The following TULP4 variants were observed in gnomAD, a reference collection of about 807,000 sequenced individuals.
TULP4 encodes TUB like protein 4.
TULP4 carries 16 observed loss-of-function variants against 129.0 expected under a neutral mutation model. That is an observed-to-expected ratio of 0.12 (90% confidence interval 0.08 to 0.19). TULP4 has a LOEUF of 0.19. Ranked by LOEUF, TULP4 falls within the 10% of genes least tolerant of loss-of-function variation. The pLI, the probability that TULP4 is intolerant of heterozygous loss-of-function variation, is 1.00. For missense variants in TULP4, 1,842 were observed against 2,059.1 expected (o/e 0.89, Z 2.04); for synonymous variants, 998 against 854.0 (o/e 1.17, Z -2.94).
intron 8 of TULP4, among the ~76,000 whole-genome samples, chr6:158,488,505 T>G (rs961177232): frequency 1.3e-5 from 2 of 152,164 alleles, no homozygotes; most frequent in Non-Finnish European, 2.9e-5. Flanking sequence ...TCCAAGGAGC[T>G]TGCCAAGCTT....
chr6:158,385,315 G>A (rs975381379), intron 1 of TULP4, among the ~76,000 whole-genome samples: 2 of 152,212 alleles, frequency 1.3e-5, no homozygotes, highest in African/African-American at 4.8e-5. Context: ...CTACTATTAT[G>A]TATAATTTCT....
Position 158,501,971 on chromosome 6 carries a change from C to T in TULP4, c.2308C>T (p.Pro770Ser), listed in dbSNP as rs779835091. The T allele has an allele frequency of 2.5e-6, 4 of 1,613,630 alleles. No individual in the cohort carries two copies. In the East Asian group the frequency reaches 6.7e-5, roughly 27 times the overall value. Residue 770 changes from proline (P) to serine (S), a missense_variant, in exon 13 of 14, where the codon CCC becomes TCC. This residue lies in a region of TULP4 where 1,089 missense variants were observed against 987.1 expected (regional missense o/e 1.10). Transcript: ENST00000367097. ...GGAAATGGGCCGCATCATTCAGAAC[C>T]CCCCTCCACTGTCCCTGCCTCCCCC... is the stretch of plus-strand genomic sequence containing the variant. Reference protein sequence around the residue: ...SVEMGRIIQNPPPLSLPPPPQ... With the variant: ...SVEMGRIIQNSPPLSLPPPPQ...
intron 1 of TULP4, among the ~76,000 whole-genome samples, chr6:158,335,062 G>T (rs1489446180): frequency 6.6e-6 from 1 of 152,136 alleles, no homozygotes; most frequent in East Asian, 1.9e-4. Context: ...CGGATCACAA[G>T]GTCAGGAGTT....
At chr6:158,399,684 ATCTT>A (rs5881262) in intron 1 of TULP4, among the ~76,000 whole-genome samples, 65,048 of 151,634 alleles carry the variant, frequency 0.43, 14,255 homozygotes, top group South Asian at 0.56. Context: ...CGCTTATTGA[ATCTT>A]TCTGTGTGCC....
chr6:158,494,973 C>T (rs1780299263), intron 11 of TULP4, 127 bp downstream of exon 11: 1 of 693,868 alleles, frequency 1.4e-6, no homozygotes, highest in Admixed American at 3.3e-5. Context: ...TGTATTTTAC[C>T]TCTAAACCTT....
chr6:158,402,363 T>A (rs571725711), intron 1 of TULP4, among the ~76,000 whole-genome samples: 1 of 152,320 alleles, frequency 6.6e-6, no homozygotes, highest in South Asian at 2.1e-4. Flanking sequence ...TCAGCTGTTA[T>A]CTGAATTAGA....
chr6:158,498,926 G>A, intron 12 of TULP4, 114 bp downstream of exon 12: 2 of 1,302,864 alleles, frequency 1.5e-6, no homozygotes, highest in African/African-American at 1.5e-5. Flanking sequence ...GTTTGGAAAA[G>A]GTATCCCTGC....
chr6:158,298,709 T>C (rs546962408), intron 1 of TULP4, among the ~76,000 whole-genome samples: 6 of 152,338 alleles, frequency 3.9e-5, no homozygotes, highest in African/African-American at 9.6e-5. Flanking sequence ...ACTAACAGCA[T>C]GTAAGGAGGC....
intron 11 of TULP4, among the ~76,000 whole-genome samples, chr6:158,496,318 C>A (rs572921397): frequency 6.6e-6 from 1 of 152,352 alleles, no homozygotes; most frequent in East Asian, 1.9e-4. Context: ...TTGTATGAAG[C>A]AGTTCATACA....
chr6:158,365,216 T>C (rs1178440895), intron 1 of TULP4, among the ~76,000 whole-genome samples: 16 of 152,088 alleles, frequency 1.1e-4, no homozygotes, highest in Admixed American at 1.0e-3. Context: ...ACCTGTTATG[T>C]TACTTCACTT....
rs1780627062 is a variant in TULP4, at chr6:158,507,289, C to A, written c.*595C>A. ...TAGGCTCTTTACAGGGGTGTTCTCACCAGGTAGAAATGCGATTTGCTCACT... is the reference window on the plus strand; with the variant it reads ...TAGGCTCTTTACAGGGGTGTTCTCAACAGGTAGAAATGCGATTTGCTCACT... On this transcript the variant is annotated 3_prime_UTR_variant, in exon 14 of 14. Coordinates refer to ENST00000367097, the MANE Select transcript of TULP4 (RefSeq NM_020245.5). The A allele has an allele frequency of 1.3e-5, 2 of 154,086 alleles. No individual in the cohort carries two copies. The allele number at this position is 154,086 out of a possible 1,614,324, so 9.5% of individuals were successfully genotyped here.
At chr6:158,498,250 C>T (rs1469637294) in intron 11 of TULP4, among the ~76,000 whole-genome samples, 2 of 152,250 alleles carry the variant, frequency 1.3e-5, no homozygotes, top group African/African-American at 4.8e-5. Flanking sequence ...CTTGGTTGCC[C>T]AAGCTTCCCT....
At chr6:158,292,557 C>T (rs1179595272) in intron 1 of TULP4, among the ~76,000 whole-genome samples, 2 of 152,074 alleles carry the variant, frequency 1.3e-5, no homozygotes, top group Admixed American at 1.3e-4. Context: ...GGAAGTGTAA[C>T]ATGTAATTTT....
At chr6:158,346,893 C>G (rs904377754) in intron 1 of TULP4, among the ~76,000 whole-genome samples, 1 of 148,170 alleles carries the variant, frequency 6.7e-6, no homozygotes, top group Admixed American at 6.6e-5. Context: ...GTGTGTGCAT[C>G]TTTTTTGCCC....
intron 1 of TULP4, among the ~76,000 whole-genome samples, chr6:158,343,486 G>A (rs1780233395): frequency 6.6e-6 from 1 of 152,110 alleles, no homozygotes; most frequent in Non-Finnish European, 1.5e-5. Flanking sequence ...TGAGGCTTTG[G>A]GAAGTGATTT....
At chr6:158,332,169 C>CAAAAAAAAA (rs1169601263) in intron 1 of TULP4, among the ~76,000 whole-genome samples, 3 of 65,318 alleles carry the variant, frequency 4.6e-5, no homozygotes, top group African/African-American at 1.7e-4. Context: ...AAGACTCTGT[C>CAAAAAAAAA]AAAAAAAAAA....
intron 1 of TULP4, among the ~76,000 whole-genome samples, chr6:158,396,816 C>T (rs992071968): frequency 6.6e-6 from 1 of 152,112 alleles, no homozygotes; most frequent in African/African-American, 2.4e-5. Flanking sequence ...TTTAACTTCC[C>T]TAAAGAAATG....
At chr6:158,294,190 C>G (rs929253146) in intron 1 of TULP4, among the ~76,000 whole-genome samples, 5 of 151,922 alleles carry the variant, frequency 3.3e-5, no homozygotes, top group African/African-American at 1.2e-4. Flanking sequence ...ATGGTGAAAC[C>G]CTTTCTCTAC....
chr6:158,433,468 A>G (rs1044434925), intron 3 of TULP4, among the ~76,000 whole-genome samples: 32 of 152,332 alleles, frequency 2.1e-4, no homozygotes, highest in Admixed American at 1.4e-3. Flanking sequence ...TAATCCCAAC[A>G]CTTTGGGAGG....
Sources: gnomAD v4.1 joint callset for allele counts (sites outside exome capture counted in the v4.1 genomes callset) on GRCh38, gnomAD v4.1.1 for gene constraint, gnomAD v4.1.1 regional missense constraint, MANE v1.5 for transcripts, NCBI Gene and HGNC (gene_info 2026-07-23, HGNC 2026-07-21) for gene names.